Variants in DACH2 observed in about 807,000 individuals in gnomAD.
DACH2 encodes the protein dachshund family transcription factor 2.
DACH2 carries 17 observed loss-of-function variants against 35.8 expected under a neutral mutation model. That is an observed-to-expected ratio of 0.48 (90% confidence interval 0.33 to 0.71). DACH2 has a LOEUF of 0.71. Among genes scored for constraint, DACH2 ranks in the 30% least tolerant of loss-of-function variants. DACH2 has a pLI of 0.02. For synonymous variants in DACH2, 195 were observed against 177.3 expected, an observed-to-expected ratio of 1.10 and a Z score of -0.79; for missense variants, 469 against 472.7, an observed-to-expected ratio of 0.99 and a Z score of 0.07.
chrX:86,751,862 A>T (rs2041777174), intron 7 of DACH2, among the ~76,000 whole-genome samples: 1 of 112,160 alleles, frequency 8.9e-6, no homozygotes, highest in Non-Finnish European at 1.9e-5. Flanking sequence ...AGTGGATTGG[A>T]TAAAGAAAAT....
At chrX:86,819,851 T>C (rs2042491691) in intron 11 of DACH2, among the ~76,000 whole-genome samples, 1 of 111,666 alleles carries the variant, frequency 9.0e-6, no homozygotes, top group Admixed American at 9.5e-5. Flanking sequence ...GAACAGAAAA[T>C]AACATCATTT....
At chrX:86,700,211 G>GA (rs2041124637) in intron 5 of DACH2, among the ~76,000 whole-genome samples, 1 of 111,340 alleles carries the variant, frequency 9.0e-6, no homozygotes, top group Admixed American at 9.6e-5. Flanking sequence ...TGCATGTGCA[G>GA]ACGGGAAGAA....
chrX:86,556,822 AG>A lies in DACH2; in HGVS notation c.640+42432del, dbSNP rs1335473164. On this transcript the variant is annotated intron_variant, in intron 3 of 11. Transcript: ENST00000373125. ...GAGAGAGAGAGAGAGAGAGAGAGAG[AG>A]AGAGAGAAGAAGAAATGTACTACGG... 4.0e-4 allele frequency among the ~76,000 whole-genome samples: 38 copies of A among 94,038 alleles called. 1 individual carries two copies. Among genetic ancestry groups the A allele is most frequent in the East Asian group, 1.4e-3 (4 of 2,866 alleles). The allele number at this position is 94,038 out of a possible 115,157, so 81.7% of individuals were successfully genotyped here. A position where few individuals can be genotyped will look rare whatever the true frequency, so the allele number is the denominator to read the frequency against.
chrX:86,504,718 C>T (rs1190513323), intron 2 of DACH2, among the ~76,000 whole-genome samples: 1 of 110,828 alleles, frequency 9.0e-6, no homozygotes, highest in Admixed American at 9.7e-5. Flanking sequence ...TAAAGTCTAG[C>T]AATTTATCCA....
chrX:86,698,371 C>T (rs972014511), intron 5 of DACH2, among the ~76,000 whole-genome samples: 1 of 108,464 alleles, frequency 9.2e-6, no homozygotes. Flanking sequence ...AGACCTGCAT[C>T]GCAAGAAACA....
At chrX:86,472,189 T>C (rs1295628539) in intron 2 of DACH2, among the ~76,000 whole-genome samples, 3 of 111,791 alleles carry the variant, frequency 2.7e-5, no homozygotes, top group South Asian at 7.4e-4. Flanking sequence ...CAGCTCTTAC[T>C]ACAACATTGT....
At chrX:86,316,684 C>T (rs142935643) in intron 1 of DACH2, among the ~76,000 whole-genome samples, 1 of 111,287 alleles carries the variant, frequency 9.0e-6, no homozygotes, top group Non-Finnish European at 1.9e-5. Context: ...TGGGGAACAG[C>T]AGCTAGGGCT....
At chrX:86,719,950 T>C (rs2041383998) in intron 6 of DACH2, among the ~76,000 whole-genome samples, 2 of 100,846 alleles carry the variant, frequency 2.0e-5, no homozygotes, top group South Asian at 9.8e-4. Context: ...TTTCTTTTTT[T>C]TTTTTTTAGA....
intron 1 of DACH2, among the ~76,000 whole-genome samples, chrX:86,330,665 A>G (rs1305223722): frequency 8.9e-6 from 1 of 112,080 alleles, no homozygotes; most frequent in African/African-American, 3.2e-5. Context: ...AAATGGTGTT[A>G]ATTGACTGCA....
intron 2 of DACH2, among the ~76,000 whole-genome samples, chrX:86,439,915 T>C (rs1229499649): frequency 2.7e-5 from 3 of 111,497 alleles, no homozygotes; most frequent in Non-Finnish European, 5.7e-5. Flanking sequence ...TCTCCAAGTA[T>C]TCTGGGGGTT....
chrX:86,719,814 G>A (rs1478355271), intron 6 of DACH2, among the ~76,000 whole-genome samples: 2 of 109,853 alleles, frequency 1.8e-5, no homozygotes, highest in African/African-American at 6.6e-5. Context: ...ATTTGGGTGG[G>A]GACACAGAGG....
rs768911468 is a variant in DACH2 at position 86,390,420 on chromosome X, A to G, written c.527+13558A>G. The stretch of plus-strand genomic sequence containing the variant: ...AACCTTGACCTTGCTTTTAACTCCT[A>G]AAAAGATGATTTTAAAAACAGAATT... On this transcript the variant is annotated intron_variant, in intron 2 of 11. Transcript: ENST00000373125. Among the ~76,000 whole-genome samples the G allele has an allele frequency of 6.7e-4, 74 of 111,242 alleles. 1 individual carries two copies. Among genetic ancestry groups the G allele is most frequent in the African/African-American group, 2.1e-3 (65 of 30,653 alleles).
chrX:86,405,265 A>G (rs757573034), intron 2 of DACH2, among the ~76,000 whole-genome samples: 1 of 111,854 alleles, frequency 8.9e-6, no homozygotes, highest in Admixed American at 9.5e-5. Context: ...TGTCTAACAC[A>G]TCATCAGGCT....
intron 2 of DACH2, among the ~76,000 whole-genome samples, chrX:86,475,716 T>G (rs971291944): frequency 4.5e-5 from 5 of 111,978 alleles, no homozygotes; most frequent in Non-Finnish European, 9.4e-5. Flanking sequence ...ACTTCTGGTA[T>G]GATGTTGAGT....
At chrX:86,254,807 T>TATATATATATATAG (rs1380613474) in intron 1 of DACH2, among the ~76,000 whole-genome samples, 80 of 49,614 alleles carry the variant, frequency 1.6e-3, no homozygotes, top group Non-Finnish European at 2.0e-3. Context: ...TATATATATA[T>TATATATATATATAG]AGAGAGAGAG....
chrX:86,578,261 C>T (rs2039459633), intron 3 of DACH2, among the ~76,000 whole-genome samples: 1 of 110,806 alleles, frequency 9.0e-6, no homozygotes, highest in Non-Finnish European at 1.9e-5. Flanking sequence ...AGAGAAATCC[C>T]CACACATTTG....
At chrX:86,479,542 A>G (rs768561455) in intron 2 of DACH2, among the ~76,000 whole-genome samples, 2 of 111,898 alleles carry the variant, frequency 1.8e-5, no homozygotes, top group East Asian at 5.7e-4. Context: ...AGTTGTCTTT[A>G]TCCCTTTAAA....
At chrX:86,280,869 G>A (rs2034012439) in intron 1 of DACH2, among the ~76,000 whole-genome samples, 1 of 111,510 alleles carries the variant, frequency 9.0e-6, no homozygotes, top group African/African-American at 3.3e-5. Flanking sequence ...ATTACATGAT[G>A]GTAAAGGGAT....
chrX:86,651,507 T>C (rs2148406899), intron 4 of DACH2, among the ~76,000 whole-genome samples: 1 of 111,557 alleles, frequency 9.0e-6, no homozygotes, highest in South Asian at 3.7e-4. Flanking sequence ...TCTAAATAAT[T>C]TACCACTGAA....
Sources: gnomAD v4.1 joint callset for allele counts (sites outside exome capture counted in the v4.1 genomes callset) on GRCh38, gnomAD v4.1.1 for gene constraint, MANE v1.5 for transcripts, NCBI Gene and HGNC (gene_info 2026-07-23, HGNC 2026-07-21) for gene names.